Variants in NPAS3 observed in about 807,000 individuals in gnomAD.
NPAS3 encodes neuronal PAS domain protein 3.
In NPAS3, 14 loss-of-function variants were observed where a neutral mutation model predicts 73.1. The observed-to-expected ratio is 0.19, with a 90% CI of 0.13 to 0.30. The LOEUF is 0.30. NPAS3 is among the 10% of genes least tolerant of loss of function. NPAS3 has a pLI of 1.00. For missense variants in NPAS3, 1,096 were observed against 1,250.0 expected, an observed-to-expected ratio of 0.88 and a Z score of 1.86; for synonymous variants, 620 against 541.5, an observed-to-expected ratio of 1.14 and a Z score of -2.01.
At chr14:33,004,801 A>G (rs1440003637) in intron 1 of NPAS3, among the ~76,000 whole-genome samples, 1 of 45,222 alleles carries the variant, frequency 2.2e-5, no homozygotes, top group African/African-American at 5.1e-5. Flanking sequence ...GCTTTTTTCT[A>G]TTGTAAAAAG....
chr14:33,247,259 A>G (rs1317960532), intron 3 of NPAS3, among the ~76,000 whole-genome samples: 1 of 152,166 alleles, frequency 6.6e-6, no homozygotes, highest in African/African-American at 2.4e-5. Context: ...TTAGCATTGT[A>G]AATACCATTT....
chr14:33,472,923 G>A (rs568624129), intron 4 of NPAS3, among the ~76,000 whole-genome samples: 4 of 150,880 alleles, frequency 2.7e-5, no homozygotes, highest in Non-Finnish European at 4.4e-5. Context: ...GATAGAATGC[G>A]GATGGAAACC....
intron 5 of NPAS3, among the ~76,000 whole-genome samples, chr14:33,564,928 G>A (rs979911335): frequency 1.3e-5 from 2 of 152,152 alleles, no homozygotes; most frequent in Non-Finnish European, 2.9e-5. Context: ...CTTGAAATGT[G>A]TTCTAATCAC....
chr14:33,169,608 T>C (rs764849501), intron 2 of NPAS3, among the ~76,000 whole-genome samples: 1 of 152,182 alleles, frequency 6.6e-6, no homozygotes, highest in Non-Finnish European at 1.5e-5. Context: ...ATAAAGTGTA[T>C]AGTATTTTAA....
chr14:33,534,044 A>T (rs1595101869), intron 4 of NPAS3, among the ~76,000 whole-genome samples: 1 of 152,246 alleles, frequency 6.6e-6, no homozygotes, highest in East Asian at 1.9e-4. Context: ...AGTTAGCTAG[A>T]CATCATGACA....
intron 2 of NPAS3, among the ~76,000 whole-genome samples, chr14:33,109,143 A>G (rs1300364962): frequency 6.6e-6 from 1 of 152,158 alleles, no homozygotes; most frequent in East Asian, 1.9e-4. Context: ...ATCATTTGCC[A>G]TTTCAAAGAT....
intron 6 of NPAS3, among the ~76,000 whole-genome samples, chr14:33,690,851 A>G (rs143380969): frequency 2.7e-3 from 333 of 121,300 alleles, no homozygotes; most frequent in South Asian, 0.017. Context: ...AAAAGTCATT[A>G]TTTTTAGTTT....
chr14:33,201,465 G>C (rs940040374), intron 2 of NPAS3, among the ~76,000 whole-genome samples: 2 of 152,182 alleles, frequency 1.3e-5, no homozygotes, highest in African/African-American at 4.8e-5. Flanking sequence ...AAGACTTAGT[G>C]ATCTTTTGTT....
At chr14:33,520,638 A>G (rs1302250642) in intron 4 of NPAS3, among the ~76,000 whole-genome samples, 1 of 152,168 alleles carries the variant, frequency 6.6e-6, no homozygotes, top group Admixed American at 6.6e-5. Flanking sequence ...AGTTAAACAC[A>G]GTGATTTTTC....
At chr14:33,365,326 T>A (rs890868031) in intron 3 of NPAS3, among the ~76,000 whole-genome samples, 6 of 151,536 alleles carry the variant, frequency 4.0e-5, no homozygotes, top group Non-Finnish European at 7.4e-5. Flanking sequence ...AGCTGCATTA[T>A]CAAAAATGCC....
At chr14:33,213,214 C>T (rs2047101386) in intron 2 of NPAS3, among the ~76,000 whole-genome samples, 1 of 138,724 alleles carries the variant, frequency 7.2e-6, no homozygotes, top group Admixed American at 7.7e-5. Context: ...TGCTCTAGAG[C>T]CCCATCATAG....
intron 3 of NPAS3, among the ~76,000 whole-genome samples, chr14:33,224,910 G>A (rs926846018): frequency 2.0e-5 from 3 of 152,084 alleles, no homozygotes; most frequent in Non-Finnish European, 4.4e-5. Context: ...TAGTGTCTTT[G>A]CATCAGTACA....
intron 3 of NPAS3, among the ~76,000 whole-genome samples, chr14:33,334,667 A>C (rs1174394742): frequency 6.6e-6 from 1 of 152,070 alleles, no homozygotes; most frequent in Non-Finnish European, 1.5e-5. Context: ...ATGTTCAGGC[A>C]GTTTATTCTT....
rs537106722 is a variant in NPAS3, at chr14:33,800,872, C to T, written c.2565C>T (p.Asp855=). 6.8e-6 allele frequency: 11 copies of T among 1,606,146 alleles called. No homozygotes were observed. The South Asian group carries it at 1.1e-4, about 16-fold the overall frequency. ...ACGCGCACGCTGTTAACTTCGTGGA[C>T]GTTAACAGCCCCGGCTTTGGCCTCG... Residue 855 remains aspartate (D), a synonymous_variant, in exon 12 of 12, where the codon GAC becomes GAT. Transcript: ENST00000356141. This position sits in a 1 kb window ranked among gnomAD's most constrained non-coding sequence, Gnocchi z 6.5.
intron 4 of NPAS3, among the ~76,000 whole-genome samples, chr14:33,434,811 C>T (rs2048920037): frequency 2.6e-5 from 4 of 152,120 alleles, no homozygotes; most frequent in Non-Finnish European, 5.9e-5. Context: ...ATGAACGGAT[C>T]ATTCACTCTT....
At chr14:33,398,720 C>T (rs1203331791) in intron 4 of NPAS3, among the ~76,000 whole-genome samples, 2 of 152,008 alleles carry the variant, frequency 1.3e-5, no homozygotes, top group Non-Finnish European at 2.9e-5. Flanking sequence ...ATGAAAAGTG[C>T]TCATCTATTC....
Position 33,510,564 on chromosome 14 carries a change from T to G in NPAS3, c.469-49557T>G, listed in dbSNP as rs542288223. Among the ~76,000 whole-genome samples the G allele has an allele frequency of 1.6e-3, 236 of 152,118 alleles. 1 individual carries two copies. The highest frequency in any genetic ancestry group is 5.4e-3 in the African/African-American group (224 of 41,472). ...GCATTATGTTGTAAGGAATTCATTT[T>G]CTCAAAATAATACATGGGTAAGGTG... On this transcript the variant is annotated intron_variant, in intron 4 of 11. Transcript: ENST00000356141.
chr14:33,153,778 T>C (rs892451920), intron 2 of NPAS3, among the ~76,000 whole-genome samples: 3 of 152,166 alleles, frequency 2.0e-5, no homozygotes, highest in African/African-American at 4.8e-5. Context: ...CTCCGAGTCC[T>C]AAACCATTTG....
rs191601230 is a variant in NPAS3 at position 33,601,470 on chromosome 14, C to T, written c.558+41260C>T. Among the ~76,000 whole-genome samples the T allele has an allele frequency of 4.6e-5, 7 of 152,224 alleles. No homozygotes were observed. In the East Asian group the frequency reaches 7.7e-4, roughly 17 times the overall value. On this transcript the variant is annotated intron_variant, in intron 5 of 11. Transcript: ENST00000356141. ...ACCATTTCTTCCCTCAACTTTAAAA[C>T]CAAAAGAGGACATAGGTAGTCCTAG...
Sources: allele counts gnomAD v4.1 joint callset (sites outside exome capture counted in the v4.1 genomes callset), GRCh38; gene constraint gnomAD v4.1.1; non-coding constraint Gnocchi (gnomAD v3.1); transcripts MANE v1.5; gene names NCBI Gene and HGNC (gene_info 2026-07-23, HGNC 2026-07-21).